CHCHD3: variants seen among roughly 807,000 people sequenced by gnomAD.
CHCHD3 encodes MICOS complex subunit MIC19.
In CHCHD3, 20 loss-of-function variants were observed where a neutral mutation model predicts 38.2. The ratio of observed to expected loss-of-function variants is 0.52; its 90% confidence interval spans 0.37 to 0.76. The LOEUF (loss-of-function observed/expected upper bound fraction) is 0.76, where lower values mean the gene tolerates loss of function less well. CHCHD3 is among the 30% of genes least tolerant of loss of function. The pLI is 0.00. For synonymous variants in CHCHD3, 82 were observed against 100.0 expected, an observed-to-expected ratio of 0.82 and a Z score of 1.07; for missense variants, 245 against 279.2, an observed-to-expected ratio of 0.88 and a Z score of 0.87.
chr7:132,909,289 C>T (rs1317714377), intron 4 of CHCHD3, among the ~76,000 whole-genome samples: 3 of 152,038 alleles, frequency 2.0e-5, no homozygotes, highest in Non-Finnish European at 4.4e-5. Flanking sequence ...AGGTCAGGAG[C>T]TCGAGACCAG....
intron 4 of CHCHD3, among the ~76,000 whole-genome samples, chr7:132,895,251 C>T (rs994372207): frequency 4.6e-5 from 7 of 152,180 alleles, no homozygotes; most frequent in Non-Finnish European, 1.0e-4. Context: ...TGTATCCAGC[C>T]ATGTGTTTAA....
chr7:132,908,508 T>C (rs1006337679), intron 4 of CHCHD3, among the ~76,000 whole-genome samples: 2 of 152,224 alleles, frequency 1.3e-5, no homozygotes, highest in African/African-American at 4.8e-5. Flanking sequence ...TTTCTTCTTA[T>C]AAGTATCCTT....
At chr7:132,808,719 T>G (rs1199230229) in intron 6 of CHCHD3, among the ~76,000 whole-genome samples, 2 of 147,294 alleles carry the variant, frequency 1.4e-5, no homozygotes. Flanking sequence ...TTGGTTCTTT[T>G]GTTGTTATTT....
intron 2 of CHCHD3, among the ~76,000 whole-genome samples, chr7:133,059,828 A>G (rs1000253208): frequency 9.2e-5 from 14 of 152,190 alleles, no homozygotes; most frequent in Non-Finnish European, 2.9e-5. Flanking sequence ...GCACTTGTAC[A>G]TATCAGGCTT....
chr7:132,805,607 C>T (rs910598309), intron 6 of CHCHD3, among the ~76,000 whole-genome samples: 1 of 152,070 alleles, frequency 6.6e-6, no homozygotes, highest in African/African-American at 2.4e-5. Flanking sequence ...AGCCACTGGC[C>T]TTTCTAAATG....
At chr7:133,000,608 A>C (rs933310460) in intron 3 of CHCHD3, among the ~76,000 whole-genome samples, 1 of 152,170 alleles carries the variant, frequency 6.6e-6, no homozygotes. Context: ...CAATTGTCTT[A>C]TGTTTAAATA....
intron 3 of CHCHD3, among the ~76,000 whole-genome samples, chr7:132,998,998 T>C (rs2117387204): frequency 6.6e-6 from 1 of 152,240 alleles, no homozygotes; most frequent in African/African-American, 2.4e-5. Flanking sequence ...ACTGGAATGT[T>C]AGGAATGTTA....
At chr7:132,885,406 C>G (rs1341029211) in intron 5 of CHCHD3, among the ~76,000 whole-genome samples, 2 of 152,030 alleles carry the variant, frequency 1.3e-5, no homozygotes, top group Non-Finnish European at 2.9e-5. Flanking sequence ...AGATTCTAAA[C>G]ATATAAGAAA....
intron 3 of CHCHD3, among the ~76,000 whole-genome samples, chr7:133,018,873 C>CTATT (rs1659169822): frequency 1.3e-5 from 1 of 77,932 alleles, no homozygotes; most frequent in Non-Finnish European, 2.6e-5. Context: ...TGCATGATTT[C>CTATT]TCTTTTTTTT....
intron 7 of CHCHD3, among the ~76,000 whole-genome samples, chr7:132,793,574 G>T (rs549841132): frequency 4.6e-5 from 7 of 152,296 alleles, no homozygotes; most frequent in South Asian, 2.1e-4. Context: ...GGATAAATAA[G>T]CAGAGAGGAA....
intron 3 of CHCHD3, among the ~76,000 whole-genome samples, chr7:133,022,898 T>C (rs1813231893): frequency 7.3e-6 from 1 of 136,574 alleles, no homozygotes; most frequent in South Asian, 2.3e-4. Flanking sequence ...ACAAAAAGCC[T>C]GCACCATATG....
chr7:132,882,431 G>C (rs111885159), intron 5 of CHCHD3, among the ~76,000 whole-genome samples: 4 of 149,688 alleles, frequency 2.7e-5, no homozygotes, highest in African/African-American at 9.9e-5. Flanking sequence ...CACTTCCCAG[G>C]CTGATCTTCA....
At chr7:132,984,499 G>T (rs1812026581) in intron 3 of CHCHD3, among the ~76,000 whole-genome samples, 4 of 146,724 alleles carry the variant, frequency 2.7e-5, no homozygotes, top group African/African-American at 1.0e-4. Context: ...TCTGGGAAGT[G>T]AGGAGCGTCT....
intron 2 of CHCHD3, among the ~76,000 whole-genome samples, chr7:133,048,013 C>T (rs571644540): frequency 1.3e-5 from 2 of 151,820 alleles, no homozygotes; most frequent in Non-Finnish European, 2.9e-5. Context: ...CGCTTGAATG[C>T]GGGAGGTGGA....
intron 3 of CHCHD3, among the ~76,000 whole-genome samples, chr7:133,021,025 C>A (rs1456248248): frequency 2.0e-5 from 3 of 152,104 alleles, no homozygotes; most frequent in Non-Finnish European, 4.4e-5. Context: ...TAAACAGCAT[C>A]CCTGGCCTCC....
At position 132,927,292 on chromosome 7, in the gene CHCHD3, A is replaced by C. The variant is rs149496638; in HGVS notation, c.370-41547T>G. 3.0e-3 allele frequency among the ~76,000 whole-genome samples: 459 copies of C among 152,358 alleles called. 1 individual carries two copies. Among genetic ancestry groups the C allele is most frequent in the African/African-American group, 0.011 (440 of 41,586 alleles). ...TTATTAGGCACAAAGAAGCTAAATG[A>C]GAAAGTCCCTGTTCTTTGAATATAC... On this transcript the variant is annotated intron_variant, in intron 4 of 7. Coordinates refer to ENST00000262570, the MANE Select transcript of CHCHD3 (RefSeq NM_017812.4).
In CHCHD3 at chr7:133,081,940, T is replaced by C. The variant is rs757228913; in HGVS notation, c.-3A>G. On this transcript the variant is annotated 5_prime_UTR_variant, in exon 1 of 8. Coordinates refer to ENST00000262570, the MANE Select transcript of CHCHD3 (RefSeq NM_017812.4). ...CGGGTGCTGGTGGTCCCACCCATGA[T>C]TCCGGTTCCTGCCCCAGCGGAGACC... is the stretch of plus-strand genomic sequence containing the variant. The C allele has an allele frequency of 3.9e-6, 6 of 1,547,814 alleles. No individual in the cohort carries two copies. The South Asian group carries it at 6.0e-5, about 15-fold the overall frequency.
At chr7:132,917,720 G>A (rs1168781469) in intron 4 of CHCHD3, among the ~76,000 whole-genome samples, 1 of 151,924 alleles carries the variant, frequency 6.6e-6, no homozygotes, top group Non-Finnish European at 1.5e-5. Flanking sequence ...TTAGCCGGGT[G>A]TGTTGGCGGG....
At chr7:132,898,885 G>A (rs1012734077) in intron 4 of CHCHD3, among the ~76,000 whole-genome samples, 7 of 152,324 alleles carry the variant, frequency 4.6e-5, no homozygotes, top group East Asian at 1.9e-4. Context: ...CGGCAGGGCC[G>A]GCCGGCTGCT....
Sources: allele counts gnomAD v4.1 joint callset (sites outside exome capture counted in the v4.1 genomes callset), GRCh38; gene constraint gnomAD v4.1.1; transcripts MANE v1.5; gene names NCBI Gene and HGNC (gene_info 2026-07-23, HGNC 2026-07-21).